PPFIA3: variants seen among roughly 807,000 people sequenced by gnomAD.
PPFIA3 encodes the protein liprin-alpha-3.
In PPFIA3, 26 loss-of-function variants were observed where a neutral mutation model predicts 145.8. That is an observed-to-expected ratio of 0.18 (90% CI 0.13 to 0.25). The LOEUF is 0.25. Ranked by LOEUF, PPFIA3 falls within the 10% of genes least tolerant of loss-of-function variation. The pLI, the probability that PPFIA3 is intolerant of heterozygous loss-of-function variation, is 1.00. For synonymous variants in PPFIA3, 645 were observed against 661.4 expected (o/e 0.98, Z 0.38); for missense variants, 1,008 against 1,587.8 (o/e 0.63, Z 6.21).
At chr19:49,127,080 CAAAAAAAAAA>C (rs11304397) in intron 1 of PPFIA3, among the ~76,000 whole-genome samples, 1 of 69,866 alleles carries the variant, frequency 1.4e-5, no homozygotes, top group Non-Finnish European at 2.6e-5. Flanking sequence ...CTCATCTCCA[CAAAAAAAAAA>C]AAAAAAAAAA....
intron 21 of PPFIA3, among the ~76,000 whole-genome samples, chr19:49,144,170 CCTG>C (rs2041255901): frequency 6.6e-6 from 1 of 152,012 alleles, no homozygotes; most frequent in South Asian, 2.1e-4. Flanking sequence ...ACCACCACGC[CCTG>C]CTAATTTTTG....
At position 49,143,102 on chromosome 19, in the gene PPFIA3, A is replaced by G; in HGVS notation, c.2745+98A>G. The G allele has an allele frequency of 3.0e-6, 4 of 1,345,608 alleles. No homozygotes were observed. In the South Asian group the frequency reaches 3.9e-5, roughly 13 times the overall value. The allele number at this position is 1,345,608 out of a possible 1,614,324, so 83.4% of individuals were successfully genotyped here. A position where few individuals can be genotyped will look rare whatever the true frequency, so the allele number is the denominator to read the frequency against. ...CTGGGCCTGCTCACTCCCCTGTCCCACGACCCTGCTTCTCATTGGCTTTTA... is the reference window on the plus strand; with the variant it reads ...CTGGGCCTGCTCACTCCCCTGTCCCGCGACCCTGCTTCTCATTGGCTTTTA... On this transcript the variant is annotated intron_variant, in intron 21 of 29. Transcript: ENST00000334186.
At chr19:49,129,709 A>T (rs2041046099) in intron 5 of PPFIA3, among the ~76,000 whole-genome samples, 1 of 152,290 alleles carries the variant, frequency 6.6e-6, no homozygotes, top group African/African-American at 2.4e-5. Context: ...TCAGGCTGGG[A>T]CTAAGGAGGA....
intron 1 of PPFIA3, among the ~76,000 whole-genome samples, chr19:49,121,411 G>C (rs1568431809): frequency 6.6e-6 from 1 of 152,158 alleles, no homozygotes; most frequent in Admixed American, 6.5e-5. Context: ...CTAGGCTCAG[G>C]TCATCTTCCC....
At chr19:49,123,195 A>T (rs955669928) in intron 1 of PPFIA3, among the ~76,000 whole-genome samples, 11 of 150,972 alleles carry the variant, frequency 7.3e-5, no homozygotes, top group African/African-American at 2.7e-4. Flanking sequence ...CGCCTGGCTA[A>T]TTTTTTTTGT....
chr19:49,150,263 C>G lies in PPFIA3; in HGVS notation c.*41C>G, dbSNP rs2041331777. ...GACCTCACTCGGACGGAAGAATCTT[C>G]CCGAGGCTGGGCTGTTCCCTCTCCT... On this transcript the variant is annotated 3_prime_UTR_variant, in exon 30 of 30. Coordinates refer to ENST00000334186, the MANE Select transcript of PPFIA3 (RefSeq NM_003660.4). 1 of 1,038,726 alleles carries G rather than the reference C, an allele frequency of 9.6e-7. No individual in the cohort carries two copies. Among genetic ancestry groups the G allele is most frequent in the Non-Finnish European group, 1.4e-6 (1 of 716,872 alleles). 64.3% of individuals were successfully genotyped at this position (1,038,726 alleles called of 1,614,324 possible). A position where few individuals can be genotyped will look rare whatever the true frequency, so the allele number is the denominator to read the frequency against.
In PPFIA3 at chr19:49,149,726, G is replaced by C. The variant is rs749949132; in HGVS notation, c.3526+8G>C. On this transcript the variant is annotated splice_region_variant and intron_variant, in intron 28 of 29. Coordinates refer to ENST00000334186, the MANE Select transcript of PPFIA3 (RefSeq NM_003660.4). The surrounding 1 kb of genome is among the most constrained non-coding windows in gnomAD (Gnocchi z 5.7). ...GCAAGCTGCAGCCAGAAGGTGGGGGGCTCCCAAATGCGACAGCCCTTCCTC... is the reference window on the plus strand; with the variant it reads ...GCAAGCTGCAGCCAGAAGGTGGGGGCCTCCCAAATGCGACAGCCCTTCCTC... The C allele has an allele frequency of 2.2e-5, 35 of 1,594,768 alleles. No homozygotes were observed. Among genetic ancestry groups the C allele is most frequent in the African/African-American group, 6.7e-5 (5 of 74,262 alleles).
intron 24 of PPFIA3, 123 bp downstream of exon 24, chr19:49,148,381 C>T (rs1428937943): frequency 1.8e-6 from 2 of 1,120,888 alleles, no homozygotes; most frequent in Non-Finnish European, 2.5e-6. Context: ...CCTGAGTTCT[C>T]AGGAAATCCT....
Position 49,128,121 on chromosome 19 carries a change from C to T in PPFIA3, c.240+8C>T. 8.3e-6 allele frequency: 4 copies of T among 481,468 alleles called. No homozygotes were observed. The highest frequency in any genetic ancestry group is 1.4e-5 in the Non-Finnish European group (4 of 295,260). 29.8% of individuals were successfully genotyped at this position (481,468 alleles called of 1,614,324 possible). The stretch of plus-strand genomic sequence containing the variant: ...AGCATCGCGCTGCCCCAGGTCTGGG[C>T]GGGACAGGGGCGGGGCATGAGGGGG... On this transcript the variant is annotated splice_region_variant and intron_variant, in intron 2 of 29. Transcript: ENST00000334186. The surrounding 1 kb of genome is among the most constrained non-coding windows in gnomAD (Gnocchi z 4.1).
In PPFIA3 at chr19:49,147,686, AAGAGAGAG is replaced by A. The variant is rs143496485; in HGVS notation, c.2836-379_2836-372del. 5.4e-3 allele frequency among the ~76,000 whole-genome samples: 790 copies of A among 145,814 alleles called. 7 individuals are homozygous for A. Among genetic ancestry groups the A allele is most frequent in the African/African-American group, 0.019 (741 of 38,926 alleles). ...GGGTGACATAGCAGACTCTTTCAGAAAGAGAGAGAGAGAGAGAGAGAGAGAAAGAGAGA... is the reference window on the plus strand; with the variant it reads ...GGGTGACATAGCAGACTCTTTCAGAAAGAGAGAGAGAGAGAGAAAGAGAGA... On this transcript the variant is annotated intron_variant, in intron 23 of 29. Coordinates refer to ENST00000334186, the MANE Select transcript of PPFIA3 (RefSeq NM_003660.4).
rs750525783 is a variant in PPFIA3, at chr19:49,130,645, C to T, written c.879+46C>T. On this transcript the variant is annotated intron_variant, in intron 7 of 29. Coordinates refer to ENST00000334186, the MANE Select transcript of PPFIA3 (RefSeq NM_003660.4). The surrounding 1 kb of genome is among the most constrained non-coding windows in gnomAD (Gnocchi z 4.5). ...GGCTGCCCTGGGTCCCTCGCCTTTC[C>T]GTAGAGCTCTCCCTCGCGCATTGCT... 4.9e-5 allele frequency: 73 copies of T among 1,491,164 alleles called. No individual in the cohort carries two copies. The highest frequency in any genetic ancestry group is 6.3e-5 in the Non-Finnish European group (69 of 1,101,564). The allele number at this position is 1,491,164 out of a possible 1,614,324, so 92.4% of individuals were successfully genotyped here. A position where few individuals can be genotyped will look rare whatever the true frequency, so the allele number is the denominator to read the frequency against.
intron 7 of PPFIA3, among the ~76,000 whole-genome samples, chr19:49,131,542 T>A (rs1056180852): frequency 1.3e-5 from 2 of 151,854 alleles, no homozygotes; most frequent in Non-Finnish European, 2.9e-5. Context: ...TTTATCCTAA[T>A]CCCAGTGACC....
rs2041026366 is a variant in PPFIA3, at chr19:49,128,142, GGGGGC to G, written c.240+35_240+39del. On this transcript the variant is annotated intron_variant, in intron 2 of 29. Coordinates refer to ENST00000334186, the MANE Select transcript of PPFIA3 (RefSeq NM_003660.4). The surrounding 1 kb of genome is among the most constrained non-coding windows in gnomAD (Gnocchi z 4.1). ...TGGGCGGGACAGGGGCGGGGCATGA[GGGGGC>G]GGGGCCTCGGGGGGAAGAAGGCGGT... is the stretch of plus-strand genomic sequence containing the variant. The G allele has an allele frequency of 2.0e-6, 3 of 1,485,358 alleles. No individual in the cohort carries two copies. The highest frequency in any genetic ancestry group is 2.7e-6 in the Non-Finnish European group (3 of 1,120,374). The allele number at this position is 1,485,358 out of a possible 1,614,324, so 92.0% of individuals were successfully genotyped here.
rs2041328901 is a variant in PPFIA3 at position 49,150,101 on chromosome 19, G to A, written c.3548G>A (p.Arg1183Gln). 6.2e-7 allele frequency: 1 copy of A among 1,610,718 alleles called. No homozygotes were observed. Among genetic ancestry groups the A allele is most frequent in the South Asian group, 1.1e-5 (1 of 89,890 alleles). The change falls in exon 29 of 30, where the codon CGG becomes CAG. Residue 1183 changes from arginine (R) to glutamine (Q), a missense_variant. Physicochemically the swap from Arg to Gln is conservative, Grantham distance 43. Transcript: ENST00000334186. ...CCAGGCCAGACTTCTGGGAGTTCCC[G>A]GGCAGACGGCGTTTCGGTCCGGACC... Reference protein sequence around the residue: ...QPEGQTSGSSRADGVSVRTYS... With the variant: ...QPEGQTSGSSQADGVSVRTYS...
At chr19:49,143,689 A>C (rs374177101) in intron 21 of PPFIA3, among the ~76,000 whole-genome samples, 2 of 152,084 alleles carry the variant, frequency 1.3e-5, no homozygotes, top group Non-Finnish European at 2.9e-5. Context: ...CCAACTTTTG[A>C]TTACGAGACA....
At chr19:49,131,141 G>T (rs534272011) in intron 7 of PPFIA3, among the ~76,000 whole-genome samples, 63 of 137,488 alleles carry the variant, frequency 4.6e-4, no homozygotes, top group Admixed American at 1.6e-3. Flanking sequence ...TGGGATTACA[G>T]TAGTGAGCCA....
chr19:49,131,869 G>A (rs2041076818), intron 7 of PPFIA3, among the ~76,000 whole-genome samples: 1 of 151,976 alleles, frequency 6.6e-6, no homozygotes, highest in Non-Finnish European at 1.5e-5. Context: ...AATTAGCCGG[G>A]CGTGATGTCG....
chr19:49,129,346 C>A, intron 4 of PPFIA3, 34 bp from the exon 5 acceptor site: 1 of 1,546,806 alleles, frequency 6.5e-7, no homozygotes. Flanking sequence ...TGGATCTTGT[C>A]TCCAGCTGAC....
intron 1 of PPFIA3, among the ~76,000 whole-genome samples, chr19:49,126,681 C>A (rs2041003889): frequency 6.6e-6 from 1 of 151,062 alleles, no homozygotes; most frequent in Non-Finnish European, 1.5e-5. Context: ...GTAGGTGAGA[C>A]CAACCCTGTG....
Sources: gnomAD v4.1 joint callset for allele counts (sites outside exome capture counted in the v4.1 genomes callset) on GRCh38, gnomAD v4.1.1 for gene constraint, Gnocchi (gnomAD v3.1) non-coding constraint, MANE v1.5 for transcripts, NCBI Gene and HGNC (gene_info 2026-07-23, HGNC 2026-07-21) for gene names.